Variants in HS3ST3B1 observed in about 807,000 individuals in gnomAD.
HS3ST3B1 encodes the protein heparan sulfate-glucosamine 3-sulfotransferase 3B1, also known as heparan sulfate glucosamine 3-O-sulfotransferase 3B1.
HS3ST3B1 carries 13 observed loss-of-function variants against 21.3 expected under a neutral mutation model. The observed-to-expected ratio is 0.61, with a 90% CI of 0.40 to 0.97. The LOEUF is 0.97. Among genes scored for constraint, HS3ST3B1 ranks in the 50% least tolerant of loss-of-function variants. HS3ST3B1 has a pLI of 0.00. For missense variants in HS3ST3B1, 459 were observed against 554.8 expected, an observed-to-expected ratio of 0.83 and a Z score of 1.73; for synonymous variants, 234 against 254.8, an observed-to-expected ratio of 0.92 and a Z score of 0.78.
chr17:14,323,931 T>C (rs1174447528), intron 1 of HS3ST3B1, among the ~76,000 whole-genome samples: 1 of 152,152 alleles, frequency 6.6e-6, no homozygotes, highest in African/African-American at 2.4e-5. Context: ...ATTGATTCAT[T>C]TGGGAAAGTA....
intron 1 of HS3ST3B1, chr17:14,305,352 G>A (rs1909098569): frequency 1.3e-5 from 2 of 152,200 alleles, no homozygotes; most frequent in South Asian, 4.1e-4. Flanking sequence ...GTTACTTCCT[G>A]TTCCATGGGT....
At chr17:14,313,104 G>GTGTATATATATACATATATATATA (rs1909369034) in intron 1 of HS3ST3B1, among the ~76,000 whole-genome samples, 1 of 101,434 alleles carries the variant, frequency 9.9e-6, no homozygotes, top group Non-Finnish European at 1.9e-5. Flanking sequence ...GTGTGTGTGT[G>GTGTATATATATACATATATATATA]TGTGTATATA....
chr17:14,304,099 G>A (rs1909044341), intron 1 of HS3ST3B1: 1 of 152,210 alleles, frequency 6.6e-6, no homozygotes. Context: ...GCGCAGCCCG[G>A]GAGGTTCGGC....
chr17:14,322,457 G>A (rs1909686920), intron 1 of HS3ST3B1, among the ~76,000 whole-genome samples: 1 of 152,154 alleles, frequency 6.6e-6, no homozygotes, highest in Admixed American at 6.5e-5. Flanking sequence ...TGATGGCCAA[G>A]GCAGGGAGAA....
At chr17:14,327,933 A>G (rs1432564812) in intron 1 of HS3ST3B1, 1 of 152,200 alleles carries the variant, frequency 6.6e-6, no homozygotes, top group Admixed American at 6.5e-5. Flanking sequence ...AGGCTTAAAA[A>G]TAGTCACAGG....
chr17:14,302,591 A>G (rs912960570), intron 1 of HS3ST3B1, among the ~76,000 whole-genome samples: 1 of 152,066 alleles, frequency 6.6e-6, no homozygotes, highest in Non-Finnish European at 1.5e-5. Flanking sequence ...TTTTTGTTAC[A>G]GTCCGCCTGG....
chr17:14,331,376 C>T (rs1285112280), intron 1 of HS3ST3B1, among the ~76,000 whole-genome samples: 1 of 152,064 alleles, frequency 6.6e-6, no homozygotes, highest in Non-Finnish European at 1.5e-5. Context: ...GATTCTGCCC[C>T]AATGAAAGGG....
intron 1 of HS3ST3B1, among the ~76,000 whole-genome samples, chr17:14,326,898 G>T (rs1215437890): frequency 1.5e-5 from 2 of 137,736 alleles, no homozygotes; most frequent in African/African-American, 5.4e-5. Flanking sequence ...TCCAGCCTGG[G>T]CAACAAGAGT....
In HS3ST3B1 at chr17:14,348,483, C is replaced by T. The variant is rs1431906469; in HGVS notation, c.*2837C>T. 1.3e-5 allele frequency: 2 copies of T among 152,150 alleles called. No homozygotes were observed. Among genetic ancestry groups the T allele is most frequent in the Non-Finnish European group, 2.9e-5 (2 of 68,040 alleles). The allele number at this position is 152,150 out of a possible 1,614,324, so 9.4% of individuals were successfully genotyped here. ...TAACAGATCTGGTTGCAGCATCTGC[C>T]GGAGCTTGCACCCCATCATCGGACG... is the stretch of plus-strand genomic sequence containing the variant. On this transcript the variant is annotated 3_prime_UTR_variant, in exon 2 of 2. Transcript: ENST00000360954.
At chr17:14,315,212 G>A (rs997185914) in intron 1 of HS3ST3B1, among the ~76,000 whole-genome samples, 3 of 152,166 alleles carry the variant, frequency 2.0e-5, no homozygotes, top group African/African-American at 7.2e-5. Context: ...GGACCCAGCA[G>A]TGTTTCCTAA....
chr17:14,324,564 C>A (rs1337558337), intron 1 of HS3ST3B1, among the ~76,000 whole-genome samples: 1 of 152,084 alleles, frequency 6.6e-6, no homozygotes, highest in East Asian at 1.9e-4. Context: ...CCCACTGTCC[C>A]CTCCCCATTC....
chr17:14,318,418 G>A (rs1323851339), intron 1 of HS3ST3B1, among the ~76,000 whole-genome samples: 1 of 152,202 alleles, frequency 6.6e-6, no homozygotes, highest in African/African-American at 2.4e-5. Context: ...TTCGCCCTCT[G>A]TCTCAGAATT....
intron 1 of HS3ST3B1, among the ~76,000 whole-genome samples, chr17:14,309,356 G>A (rs1752126286): frequency 1.3e-5 from 2 of 152,342 alleles, no homozygotes; most frequent in East Asian, 1.9e-4. Flanking sequence ...TAGGCTGGCC[G>A]GGTAGTCCTC....
chr17:14,311,809 A>G (rs1004724170), intron 1 of HS3ST3B1, among the ~76,000 whole-genome samples: 1 of 151,928 alleles, frequency 6.6e-6, no homozygotes, highest in Non-Finnish European at 1.5e-5. Context: ...CCAGGTATGC[A>G]TCAACTTGTA....
chr17:14,343,249 A>T (rs1421211238), intron 1 of HS3ST3B1, among the ~76,000 whole-genome samples: 1 of 152,112 alleles, frequency 6.6e-6, no homozygotes, highest in East Asian at 1.9e-4. Context: ...CTCAAAAAAA[A>T]AAAAAGAAAA....
chr17:14,332,447 G>A (rs1047102692), intron 1 of HS3ST3B1, among the ~76,000 whole-genome samples: 1 of 151,784 alleles, frequency 6.6e-6, no homozygotes, highest in African/African-American at 2.4e-5. Flanking sequence ...TGGCAGCTTG[G>A]AAGTTTGCTT....
In HS3ST3B1 at chr17:14,301,753, A is replaced by T. The variant is rs955090977; in HGVS notation, c.235A>T (p.Thr79Ser). 1.9e-6 allele frequency: 3 copies of T among 1,588,188 alleles called. No homozygotes were observed. Among genetic ancestry groups the T allele is most frequent in the African/African-American group, 2.7e-5 (2 of 74,660 alleles). Residue 79 changes from threonine (T) to serine (S), a missense_variant, in exon 1 of 2, where the codon ACA (threonine) becomes TCA (serine). Transcript: ENST00000360954. ...CGCACACGACCCGCCAGCCCTGGCC[A>T]CAGCTCCGGACGGGACGCCCCCCAG... ...RAAHDPPALA[T>S]APDGTPPRLP...
At chr17:14,316,852 G>A (rs1421975605) in intron 1 of HS3ST3B1, among the ~76,000 whole-genome samples, 1 of 152,196 alleles carries the variant, frequency 6.6e-6, no homozygotes, top group Non-Finnish European at 1.5e-5. Flanking sequence ...AGAGAGAGAT[G>A]GGGATTGATT....
intron 1 of HS3ST3B1, among the ~76,000 whole-genome samples, chr17:14,306,111 C>T (rs1449189080): frequency 6.6e-6 from 1 of 152,214 alleles, no homozygotes; most frequent in Non-Finnish European, 1.5e-5. Flanking sequence ...AGCTTTCTGA[C>T]ATGCCTTTAG....
Sources: allele counts gnomAD v4.1 joint callset (sites outside exome capture counted in the v4.1 genomes callset), GRCh38; gene constraint gnomAD v4.1.1; transcripts MANE v1.5; gene names NCBI Gene and HGNC (gene_info 2026-07-23, HGNC 2026-07-21).